The following MAPK8IP3 variants were observed in gnomAD, a reference collection of about 807,000 sequenced individuals.
MAPK8IP3 encodes the protein mitogen-activated protein kinase 8 interacting protein 3, also known as C-Jun-amino-terminal kinase-interacting protein 3.
MAPK8IP3 carries 49 observed loss-of-function variants against 157.8 expected under a neutral mutation model. The ratio of observed to expected loss-of-function variants is 0.31; its 90% CI spans 0.25 to 0.39. MAPK8IP3 has a LOEUF of 0.39. Among genes scored for constraint, MAPK8IP3 ranks in the 10% least tolerant of loss-of-function variants. MAPK8IP3 has a pLI of 1.00. For missense variants in MAPK8IP3, 1,478 were observed against 1,889.4 expected (o/e 0.78, Z 4.04); for synonymous variants, 897 against 777.7 (o/e 1.15, Z -2.55).
intron 4 of MAPK8IP3, among the ~76,000 whole-genome samples, chr16:1,737,915 T>TGAGA (rs1179357619): frequency 2.9e-5 from 2 of 69,602 alleles, no homozygotes; most frequent in Non-Finnish European, 5.6e-5. Flanking sequence ...ACCGTCCGTG[T>TGAGA]GTGTGACCAT....
At chr16:1,765,809 G>C in intron 20 of MAPK8IP3, 151 bp from the exon 21 acceptor site, 1 of 712,856 alleles carries the variant, frequency 1.4e-6, no homozygotes, top group African/African-American at 1.8e-5. Context: ...GAGGGTCGTG[G>C]GTGGGCTGTG....
chr16:1,739,252 G>A (rs1297473221), intron 4 of MAPK8IP3, among the ~76,000 whole-genome samples: 1 of 127,258 alleles, frequency 7.9e-6, no homozygotes, highest in Non-Finnish European at 1.6e-5. Flanking sequence ...GACCATCCAT[G>A]TGAGCATCTG....
In MAPK8IP3 at chr16:1,743,403, G is replaced by A. The variant is rs758271119; in HGVS notation, c.674G>A (p.Gly225Asp). Residue 225 changes from glycine to aspartate, a missense_variant, in exon 5 of 32, where the codon GGC becomes GAC. By Grantham distance (94) the Gly-to-Asp change is moderately conservative. This residue lies in a region of MAPK8IP3 where 315 missense variants were observed against 394.4 expected (regional missense o/e 0.80). Coordinates refer to ENST00000610761, the MANE Select transcript of MAPK8IP3 (RefSeq NM_001318852.2). This position sits in a 1 kb window ranked among gnomAD's most constrained non-coding sequence, Gnocchi z 5.6. Reference protein sequence around the residue: ...ADGTVRAQIGGKLVPAGDHWH... With the variant: ...ADGTVRAQIGDKLVPAGDHWH... ...GGCACGGTACGTGCACAGATCGGGG[G>A]CAAGCTCGTGCCTGCGGGGGACCAC... 3 of 1,609,602 alleles carry A rather than the reference G, an allele frequency of 1.9e-6. No homozygotes were observed. The highest frequency in any genetic ancestry group is 1.7e-4 in the Middle Eastern group (1 of 6,044).
At chr16:1,725,771 C>T (rs2038838692) in intron 2 of MAPK8IP3, among the ~76,000 whole-genome samples, 1 of 152,118 alleles carries the variant, frequency 6.6e-6, no homozygotes, top group African/African-American at 2.4e-5. Context: ...GATCTCAGCT[C>T]ACTGCAACCT....
At chr16:1,753,225 G>A (rs751299823) in intron 8 of MAPK8IP3, among the ~76,000 whole-genome samples, 1 of 152,144 alleles carries the variant, frequency 6.6e-6, no homozygotes, top group Admixed American at 6.6e-5. Flanking sequence ...CCCAGGTCGG[G>A]CATCTGTTGT....
intron 9 of MAPK8IP3, 105 bp downstream of exon 9, chr16:1,758,264 C>A: frequency 1.5e-6 from 2 of 1,321,552 alleles, no homozygotes; most frequent in Non-Finnish European, 2.1e-6. Context: ...GTGGACTGCC[C>A]CCCACGTCGC....
In MAPK8IP3 at chr16:1,766,584, G is replaced by A. The variant is rs201560978; in HGVS notation, c.2875G>A (p.Gly959Arg). The change falls in exon 23 of 32, where the codon GGG (glycine) becomes AGG (arginine). Residue 959 changes from glycine to arginine, a missense_variant. Gly to Arg is a moderately radical substitution (Grantham distance 125, BLOSUM62 -2). This residue lies in a region of MAPK8IP3 where 669 missense variants were observed against 759.8 expected (regional missense o/e 0.88). Transcript: ENST00000610761. Reference protein sequence around the residue: ...SSTRPEPEPSGDPTGAGSSAA... With the variant: ...SSTRPEPEPSRDPTGAGSSAA... ...CACACGGCCAGAGCCAGAGCCCAGCGGGGACCCCACGGGAGCAGGCAGCAG... is the reference window on the plus strand; with the variant it reads ...CACACGGCCAGAGCCAGAGCCCAGCAGGGACCCCACGGGAGCAGGCAGCAG... The A allele has an allele frequency of 7.7e-5, 124 of 1,612,420 alleles. No individual in the cohort carries two copies. Among genetic ancestry groups the A allele is most frequent in the African/African-American group, 1.5e-4 (11 of 75,058 alleles).
chr16:1,716,872 A>T (rs1488007780), intron 1 of MAPK8IP3, among the ~76,000 whole-genome samples: 1 of 152,030 alleles, frequency 6.6e-6, no homozygotes, highest in Non-Finnish European at 1.5e-5. Context: ...ATCCTGGCTA[A>T]CACAGTGAAG....
chr16:1,750,217 T>TA (rs1157010956), intron 8 of MAPK8IP3, among the ~76,000 whole-genome samples: 2 of 152,160 alleles, frequency 1.3e-5, no homozygotes, highest in Non-Finnish European at 2.9e-5. Flanking sequence ...TTTATTTATT[T>TA]ATTTATTTAT....
At chr16:1,765,251 C>CA in intron 20 of MAPK8IP3, 73 bp downstream of exon 20, 1 of 1,483,032 alleles carries the variant, frequency 6.7e-7, no homozygotes, top group Non-Finnish European at 9.1e-7. Flanking sequence ...AAAGCCCTGC[C>CA]ACACAGCAGC....
At chr16:1,712,392 T>C (rs1431389022) in intron 1 of MAPK8IP3, among the ~76,000 whole-genome samples, 2 of 152,050 alleles carry the variant, frequency 1.3e-5, no homozygotes, top group African/African-American at 4.8e-5. Flanking sequence ...TCCCCACTTT[T>C]CATCTCCTTT....
At chr16:1,764,712 A>T (rs902574717) in intron 19 of MAPK8IP3, among the ~76,000 whole-genome samples, 1 of 152,194 alleles carries the variant, frequency 6.6e-6, no homozygotes, top group African/African-American at 2.4e-5. Context: ...GGCAGGCAGC[A>T]GGCACAGAGG....
In MAPK8IP3 at chr16:1,747,123, T is replaced by A; in HGVS notation, c.842T>A (p.Val281Glu). The change falls in exon 6 of 32, where the codon GTG becomes GAG. Residue 281 changes from valine to glutamate, a missense_variant. Val to Glu is a moderately radical substitution (Grantham distance 121, BLOSUM62 -2). Coordinates refer to ENST00000610761, the MANE Select transcript of MAPK8IP3 (RefSeq NM_001318852.2). ...AAGTCCAACACGCCCACATCCTCCG[T>A]GCCCTCGGCCGCCGTCACACCCCTC... ...GTKSNTPTSS[V>E]PSAAVTPLNE... 1 of 1,613,892 alleles carries A rather than the reference T, an allele frequency of 6.2e-7. No individual in the cohort carries two copies. Among genetic ancestry groups the A allele is most frequent in the South Asian group, 1.1e-5 (1 of 91,080 alleles).
At chr16:1,736,284 GCATC>G (rs1288761998) in intron 4 of MAPK8IP3, among the ~76,000 whole-genome samples, 3 of 90,962 alleles carry the variant, frequency 3.3e-5, no homozygotes, top group Non-Finnish European at 4.5e-5. Context: ...ATCCATGTGA[GCATC>G]CGTGTGACCG....
chr16:1,736,650 CCGTGTGAG>C (rs1424091604), intron 4 of MAPK8IP3, among the ~76,000 whole-genome samples: 2 of 57,806 alleles, frequency 3.5e-5, no homozygotes. Flanking sequence ...GTGTGACCGT[CCGTGTGAG>C]CGTGTGACCG....
chr16:1,719,813 C>G (rs138886382), intron 1 of MAPK8IP3, among the ~76,000 whole-genome samples: 33 of 151,534 alleles, frequency 2.2e-4, no homozygotes, highest in African/African-American at 7.5e-4. Flanking sequence ...AGACCCTGTC[C>G]CCAAAAAATT....
chr16:1,707,283 G>T (rs1021708422), intron 1 of MAPK8IP3: 5 of 152,270 alleles, frequency 3.3e-5, no homozygotes, highest in African/African-American at 1.2e-4. Context: ...GAATTGGGTG[G>T]TTGATGTAAA....
chr16:1,734,141 T>C (rs8049415), intron 4 of MAPK8IP3, among the ~76,000 whole-genome samples: 50,609 of 152,188 alleles, frequency 0.33, 10,869 homozygotes, highest in African/African-American at 0.6. Context: ...GCAGCTACAT[T>C]ACTCTGGCCC....
In MAPK8IP3 at chr16:1,769,255, C is replaced by G. The variant is rs2042471411; in HGVS notation, c.*431C>G. On this transcript the variant is annotated 3_prime_UTR_variant, in exon 32 of 32. Transcript: ENST00000610761. Reference sequence around the variant, plus strand: ...CTCTGCATGCTGCTCATGGGGCCACCCTGCCTCCTGGGCCCTCACTCTGCC... The same window carrying G: ...CTCTGCATGCTGCTCATGGGGCCACGCTGCCTCCTGGGCCCTCACTCTGCC... 3 of 194,678 alleles carry G rather than the reference C, an allele frequency of 1.5e-5. No homozygotes were observed. In the South Asian group the frequency reaches 2.6e-4, roughly 17 times the overall value. 12.1% of individuals were successfully genotyped at this position (194,678 alleles called of 1,614,324 possible).
Sources: gnomAD v4.1 joint callset for allele counts (sites outside exome capture counted in the v4.1 genomes callset) on GRCh38, gnomAD v4.1.1 for gene constraint, gnomAD v4.1.1 regional missense constraint, Gnocchi (gnomAD v3.1) non-coding constraint, MANE v1.5 for transcripts, NCBI Gene and HGNC (gene_info 2026-07-23, HGNC 2026-07-21) for gene names.